Variants in DPP10 observed in about 807,000 individuals in gnomAD.
DPP10 encodes the protein dipeptidyl peptidase like 10.
In DPP10, 33 loss-of-function variants were observed where a neutral mutation model predicts 120.9. That is an observed-to-expected ratio of 0.27 (90% CI 0.21 to 0.37). The LOEUF (loss-of-function observed/expected upper bound fraction) is 0.37, where lower values mean the gene tolerates loss of function less well. DPP10 is among the 10% of genes least tolerant of loss of function. The pLI, the probability that DPP10 is intolerant of heterozygous loss-of-function variation, is 1.00. For synonymous variants in DPP10, 337 were observed against 326.1 expected (o/e 1.03, Z -0.36); for missense variants, 816 against 942.8 (o/e 0.87, Z 1.76).
intron 1 of DPP10, among the ~76,000 whole-genome samples, chr2:115,290,805 T>C (rs969419097): frequency 6.6e-6 from 1 of 152,148 alleles, no homozygotes; most frequent in Non-Finnish European, 1.5e-5. Flanking sequence ...TCTAACACTC[T>C]AGCATTGCTT....
chr2:115,248,707 A>T (rs1357123004), intron 1 of DPP10, among the ~76,000 whole-genome samples: 2 of 152,164 alleles, frequency 1.3e-5, no homozygotes, highest in African/African-American at 4.8e-5. Context: ...TTTCATTAAT[A>T]TCTAAAAAGC....
rs149282057 is a variant in DPP10 at position 115,298,014 on chromosome 2, C to T, written c.61-11225C>T. On this transcript the variant is annotated intron_variant, in intron 1 of 25. Coordinates refer to ENST00000410059, the MANE Select transcript of DPP10 (RefSeq NM_020868.6). ...TTTGAGATGCAGATAGCTAGTTATC[C>T]GCCAGTCCTCACAATGCTGAAATGC... 5.3e-5 allele frequency among the ~76,000 whole-genome samples: 8 copies of T among 152,080 alleles called. No individual in the cohort carries two copies. In the East Asian group the frequency reaches 1.2e-3, roughly 22 times the overall value.
At chr2:115,423,554 C>A (rs1351309529) in intron 3 of DPP10, among the ~76,000 whole-genome samples, 1 of 152,150 alleles carries the variant, frequency 6.6e-6, no homozygotes, top group Non-Finnish European at 1.5e-5. Flanking sequence ...AAAGAACTAA[C>A]AAATGACAAA....
At chr2:114,741,326 G>C (rs1370147632) in intron 1 of DPP10, among the ~76,000 whole-genome samples, 1 of 152,168 alleles carries the variant, frequency 6.6e-6, no homozygotes, top group Non-Finnish European at 1.5e-5. Flanking sequence ...GCAGTTCAGG[G>C]TAATTTCTGT....
chr2:114,463,609 C>T (rs532245232), intron 1 of DPP10, among the ~76,000 whole-genome samples: 6 of 152,232 alleles, frequency 3.9e-5, no homozygotes, highest in East Asian at 3.9e-4. Flanking sequence ...ATCTTTTTGT[C>T]GAAGTGTGCA....
chr2:114,735,487 T>C (rs547581100), intron 1 of DPP10, among the ~76,000 whole-genome samples: 1 of 152,318 alleles, frequency 6.6e-6, no homozygotes, highest in East Asian at 1.9e-4. Context: ...TTTCTCTGTT[T>C]CAAGAGCTAA....
At position 114,726,931 on chromosome 2, in the gene DPP10, T is replaced by C. The variant is rs114209054; in HGVS notation, c.60+284093T>C. Among the ~76,000 whole-genome samples, 1,213 of 152,336 alleles carry C rather than the reference T, an allele frequency of 8.0e-3. 15 individuals are homozygous for C. Among genetic ancestry groups the C allele is most frequent in the African/African-American group, 0.027 (1,142 of 41,564 alleles). ...ACATAAATATAGTTTGAATTATGCA[T>C]AGTCTATCTTCATGCATGCTTTCAG... On this transcript the variant is annotated intron_variant, in intron 1 of 25. Coordinates refer to ENST00000410059, the MANE Select transcript of DPP10 (RefSeq NM_020868.6).
At chr2:115,391,594 T>G (rs2106543131) in intron 3 of DPP10, among the ~76,000 whole-genome samples, 1 of 152,158 alleles carries the variant, frequency 6.6e-6, no homozygotes, top group East Asian at 1.9e-4. Flanking sequence ...AATTTATACA[T>G]CTGAGGTACC....
intron 1 of DPP10, chr2:114,828,302 C>A (rs1161413947): frequency 2.6e-5 from 4 of 152,088 alleles, no homozygotes; most frequent in African/African-American, 9.7e-5. Flanking sequence ...GTAAGAAGAA[C>A]ATAACATAAC....
intron 5 of DPP10, among the ~76,000 whole-genome samples, chr2:115,647,993 T>A (rs547861605): frequency 1.1e-4 from 16 of 152,274 alleles, no homozygotes; most frequent in African/African-American, 3.8e-4. Context: ...AAGATTCATA[T>A]CACTTTTATT....
At chr2:114,489,753 T>C (rs1275574681) in intron 1 of DPP10, among the ~76,000 whole-genome samples, 1 of 152,032 alleles carries the variant, frequency 6.6e-6, no homozygotes, top group East Asian at 1.9e-4. Context: ...ACATAACAAG[T>C]GATTATATTT....
chr2:115,338,587 A>G (rs1218902150), intron 2 of DPP10, among the ~76,000 whole-genome samples: 1 of 152,126 alleles, frequency 6.6e-6, no homozygotes, highest in Non-Finnish European at 1.5e-5. Flanking sequence ...CAGCCTCCCA[A>G]GCAGCTGGGA....
intron 1 of DPP10, among the ~76,000 whole-genome samples, chr2:114,732,716 G>T (rs1056761842): frequency 6.6e-6 from 1 of 152,072 alleles, no homozygotes; most frequent in African/African-American, 2.4e-5. Context: ...GGGTTTTCTT[G>T]TTTTATTTGT....
chr2:115,290,714 T>A (rs1475091620), intron 1 of DPP10, among the ~76,000 whole-genome samples: 1 of 152,126 alleles, frequency 6.6e-6, no homozygotes, highest in African/African-American at 2.4e-5. Context: ...ACCATATATT[T>A]TGGGGAAAAG....
intron 1 of DPP10, among the ~76,000 whole-genome samples, chr2:114,671,798 C>T (rs1273851442): frequency 1.3e-5 from 2 of 151,942 alleles, no homozygotes; most frequent in African/African-American, 4.8e-5. Context: ...CGTACAGAAT[C>T]CATTGGTTTC....
At chr2:115,068,273 AGG>A (rs1707087997) in intron 1 of DPP10, among the ~76,000 whole-genome samples, 1 of 151,338 alleles carries the variant, frequency 6.6e-6, no homozygotes, top group Non-Finnish European at 1.5e-5. Flanking sequence ...CCATTCTAAC[AGG>A]TGTGAGGTTA....
chr2:115,009,358 T>A (rs1417945320), intron 1 of DPP10, among the ~76,000 whole-genome samples: 4 of 151,584 alleles, frequency 2.6e-5, no homozygotes, highest in African/African-American at 9.7e-5. Context: ...ATATTCTCAC[T>A]CATGGGTGGG....
intron 1 of DPP10, among the ~76,000 whole-genome samples, chr2:114,715,302 T>C (rs565585778): frequency 1.1e-4 from 16 of 152,320 alleles, no homozygotes; most frequent in Admixed American, 1.0e-3. Context: ...AACTTTCTTT[T>C]GAATGATATA....
At chr2:114,896,292 G>T (rs1009658249) in intron 1 of DPP10, among the ~76,000 whole-genome samples, 8 of 152,130 alleles carry the variant, frequency 5.3e-5, no homozygotes, top group Non-Finnish European at 1.2e-4. Context: ...TAGCTTTATG[G>T]GGATGGCATT....
Sources: allele counts gnomAD v4.1 joint callset (sites outside exome capture counted in the v4.1 genomes callset), GRCh38; gene constraint gnomAD v4.1.1; transcripts MANE v1.5; gene names NCBI Gene and HGNC (gene_info 2026-07-23, HGNC 2026-07-21).